WWP1: variants seen among roughly 807,000 people sequenced by gnomAD.
WWP1 encodes NEDD4-like E3 ubiquitin-protein ligase WWP1.
In WWP1, 49 loss-of-function variants were observed where a neutral mutation model predicts 130.6. That is an observed-to-expected ratio of 0.38 (90% CI 0.30 to 0.48). The LOEUF (loss-of-function observed/expected upper bound fraction) is 0.48, where lower values mean the gene tolerates loss of function less well. Ranked by LOEUF, WWP1 falls within the 20% of genes least tolerant of loss-of-function variation. The probability of loss-of-function intolerance (pLI) is 0.99; values close to 1 mark genes in which losing one functional copy is unlikely to be tolerated. For synonymous variants in WWP1, 332 were observed against 367.8 expected (o/e 0.90, Z 1.11); for missense variants, 809 against 1,100.6 (o/e 0.74, Z 3.75).
chr8:86,439,593 G>A (rs1810487694), intron 17 of WWP1, among the ~76,000 whole-genome samples: 1 of 152,096 alleles, frequency 6.6e-6, no homozygotes, highest in Admixed American at 6.6e-5. Context: ...TTTTGCTATT[G>A]TAAGTAACAT....
intron 5 of WWP1, among the ~76,000 whole-genome samples, chr8:86,382,020 A>G (rs761119571): frequency 6.6e-6 from 1 of 152,108 alleles, no homozygotes; most frequent in Non-Finnish European, 1.5e-5. Flanking sequence ...TTATTATATA[A>G]TTAGTTTATT....
At chr8:86,458,224 G>A (rs13269259) in intron 22 of WWP1, among the ~76,000 whole-genome samples, 199 bp downstream of exon 22, 41,039 of 152,072 alleles carry the variant, frequency 0.27, 6,400 homozygotes, top group East Asian at 0.54. Flanking sequence ...TTGCTGAAAT[G>A]AAGGAGTTGA....
Position 86,460,084 on chromosome 8 carries a change from C to T in WWP1, c.2500-1140C>T, listed in dbSNP as rs1051021680. On this transcript the variant is annotated intron_variant, in intron 22 of 24. Coordinates refer to ENST00000517970, the MANE Select transcript of WWP1 (RefSeq NM_007013.4). ...TATGTTCCTTGCTTTCTGTTATACT[C>T]AAACCAATCAAATTAGTAGTTCACC... 2.0e-5 allele frequency among the ~76,000 whole-genome samples: 3 copies of T among 152,210 alleles called. No homozygotes were observed. The East Asian group carries it at 5.8e-4, about 29-fold the overall frequency.
At chr8:86,395,120 C>A (rs1252271806) in intron 5 of WWP1, among the ~76,000 whole-genome samples, 1 of 152,020 alleles carries the variant, frequency 6.6e-6, no homozygotes, top group East Asian at 1.9e-4. Flanking sequence ...TACCATCAAA[C>A]CACTGTAAAA....
rs1812240336 is a variant in WWP1 at position 86,467,466 on chromosome 8, T to A, written c.*573T>A. 6.6e-6 allele frequency: 1 copy of A among 152,458 alleles called. No homozygotes were observed. Among genetic ancestry groups the A allele is most frequent in the Admixed American group, 6.6e-5 (1 of 15,250 alleles). 9.4% of individuals were successfully genotyped at this position (152,458 alleles called of 1,614,324 possible). The stretch of plus-strand genomic sequence containing the variant: ...AACTTGTCAGTTTGTTTTAAATAAA[T>A]ACAATAGTTGAAAATTTTTCTCTGT... On this transcript the variant is annotated 3_prime_UTR_variant, in exon 25 of 25. Coordinates refer to ENST00000517970, the MANE Select transcript of WWP1 (RefSeq NM_007013.4).
Position 86,406,213 on chromosome 8 carries a change from A to G in WWP1, c.724+4010A>G, listed in dbSNP as rs1287659043. On this transcript the variant is annotated intron_variant, in intron 8 of 24. Coordinates refer to ENST00000517970, the MANE Select transcript of WWP1 (RefSeq NM_007013.4). ...GAACATCCTCAAAATTTATGAAAAG[A>G]GGATAATATGCGACTACCTTATAGG... Among the ~76,000 whole-genome samples the G allele has an allele frequency of 2.0e-5, 3 of 152,234 alleles. No homozygotes were observed. The East Asian group carries it at 5.8e-4, about 29-fold the overall frequency.
At chr8:86,349,282 G>T (rs1286054804) in intron 1 of WWP1, among the ~76,000 whole-genome samples, 2 of 152,158 alleles carry the variant, frequency 1.3e-5, no homozygotes, top group African/African-American at 2.4e-5. Flanking sequence ...GCCTCCCAGA[G>T]TGCTGGGATT....
rs551412033 is a variant in WWP1 at position 86,465,565 on chromosome 8, C to T, written c.2670-1229C>T. On this transcript the variant is annotated intron_variant, in intron 24 of 24. Coordinates refer to ENST00000517970, the MANE Select transcript of WWP1 (RefSeq NM_007013.4). ...GGAGGATTGCTTCAGCCTGGGAGGT[C>T]GAGGTCGCAGTGAGCCGAGACAGTA... Among the ~76,000 whole-genome samples, 4 of 152,102 alleles carry T rather than the reference C, an allele frequency of 2.6e-5. No homozygotes were observed. The South Asian group carries it at 8.3e-4, about 32-fold the overall frequency.
intron 21 of WWP1, among the ~76,000 whole-genome samples, chr8:86,454,987 GTTCT>G (rs1166558811): frequency 2.0e-5 from 3 of 151,928 alleles, no homozygotes; most frequent in Non-Finnish European, 4.4e-5. Context: ...CTAATCTGTT[GTTCT>G]TTCTTCTACT....
chr8:86,348,493 C>T (rs1822722202), intron 1 of WWP1, among the ~76,000 whole-genome samples: 1 of 152,208 alleles, frequency 6.6e-6, no homozygotes, highest in African/African-American at 2.4e-5. Context: ...ATTGGGATTA[C>T]AGGCATGAGC....
intron 1 of WWP1, among the ~76,000 whole-genome samples, chr8:86,368,707 A>G (rs1452087989): frequency 1.3e-5 from 2 of 152,008 alleles, no homozygotes; most frequent in Non-Finnish European, 2.9e-5. Flanking sequence ...CTTATGTTCC[A>G]TTGTCCACTA....
At chr8:86,461,427 T>C (rs982309325) in intron 23 of WWP1, 107 bp downstream of exon 23, 23 of 951,110 alleles carry the variant, frequency 2.4e-5, no homozygotes, top group Non-Finnish European at 3.7e-5. Context: ...TTCTGTGCTG[T>C]AGGTAGGGCT....
At chr8:86,356,472 T>C (rs2130155801) in intron 1 of WWP1, among the ~76,000 whole-genome samples, 1 of 151,266 alleles carries the variant, frequency 6.6e-6, no homozygotes, top group South Asian at 2.1e-4. Context: ...GTAAAATCTT[T>C]GGTATTTGGT....
At position 86,425,247 on chromosome 8, in the gene WWP1, T is replaced by A; in HGVS notation, c.1086T>A (p.His362Gln). The A allele has an allele frequency of 1.2e-6, 2 of 1,612,622 alleles. No homozygotes were observed. The highest frequency in any genetic ancestry group is 1.7e-6 in the Non-Finnish European group (2 of 1,179,490). Residue 362 changes from histidine to glutamine, a missense_variant, in exon 10 of 25, where the codon CAT becomes CAA. Around this residue, in one of 3 missense-constraint regions of WWP1, gnomAD observed 97 missense variants for 80.4 expected, o/e 1.21. Transcript: ENST00000517970. Reference sequence around the variant, plus strand: ...GGTGGGAACAAAGAAAAGATCCTCATGGTAGAACCTATTATGTGGATCATA... The same window carrying A: ...GGTGGGAACAAAGAAAAGATCCTCAAGGTAGAACCTATTATGTGGATCATA... The part of the protein sequence containing the change: ...PSGWEQRKDP[H>Q]GRTYYVDHNT...
intron 1 of WWP1, among the ~76,000 whole-genome samples, chr8:86,362,176 AT>A (rs1226879026): frequency 1.6e-5 from 2 of 122,322 alleles, no homozygotes; most frequent in Non-Finnish European, 3.4e-5. Context: ...ATATATATAT[AT>A]ATATATATAT....
chr8:86,418,129 T>A (rs1808992121), intron 9 of WWP1, among the ~76,000 whole-genome samples: 2 of 152,208 alleles, frequency 1.3e-5, no homozygotes, highest in Admixed American at 1.3e-4. Context: ...TTAGTCATAT[T>A]TCCACATCAG....
intron 9 of WWP1, among the ~76,000 whole-genome samples, chr8:86,413,622 A>G (rs932705573): frequency 7.2e-5 from 11 of 152,240 alleles, no homozygotes; most frequent in African/African-American, 2.4e-4. Context: ...TTTCATTTTC[A>G]GTAGAGCCGA....
chr8:86,388,838 T>G lies in WWP1; in HGVS notation c.334+7209T>G, dbSNP rs957889409. On this transcript the variant is annotated intron_variant, in intron 5 of 24. Coordinates refer to ENST00000517970, the MANE Select transcript of WWP1 (RefSeq NM_007013.4). ...CATAAGCATTTATTATTTTGACTTC[T>G]GCAGTCTTTTAAATCAGACCTGAGT... Among the ~76,000 whole-genome samples the G allele has an allele frequency of 4.6e-5, 7 of 152,316 alleles. No homozygotes were observed. The East Asian group carries it at 1.3e-3, about 29-fold the overall frequency.
intron 1 of WWP1, 73 bp downstream of exon 1, chr8:86,343,003 GC>G (rs1316628563): frequency 6.4e-6 from 2 of 311,080 alleles, no homozygotes; most frequent in Non-Finnish European, 1.2e-5. Flanking sequence ...CTGAGCCTTG[GC>G]CGCGGTGCTG....
Sources: gnomAD v4.1 joint callset for allele counts (sites outside exome capture counted in the v4.1 genomes callset) on GRCh38, gnomAD v4.1.1 for gene constraint, gnomAD v4.1.1 regional missense constraint, MANE v1.5 for transcripts, NCBI Gene and HGNC (gene_info 2026-07-23, HGNC 2026-07-21) for gene names.